The following RBFOX1 variants were observed in gnomAD, a reference collection of about 807,000 sequenced individuals.
RBFOX1 encodes RNA binding protein fox-1 homolog 1.
Under a neutral mutation model 57.7 loss-of-function variants are expected in RBFOX1, and 8 were observed. The observed-to-expected ratio is 0.14, with a 90% CI of 0.08 to 0.25. The LOEUF is 0.25. Ranked by LOEUF, RBFOX1 falls within the 10% of genes least tolerant of loss-of-function variation. The pLI is 1.00. For missense variants in RBFOX1, 611 were observed against 548.5 expected (o/e 1.11, Z -1.14); for synonymous variants, 326 against 222.4 (o/e 1.47, Z -4.15).
intron 3 of RBFOX1, among the ~76,000 whole-genome samples, chr16:6,767,947 TAAG>T (rs71145291): frequency 0.032 from 3,197 of 100,726 alleles, 54 homozygotes; most frequent in East Asian, 0.059. Flanking sequence ...ATAATAATAA[TAAG>T]AAGAAGAAGA....
chr16:5,791,134 C>T (rs890834416), intron 3 of RBFOX1, among the ~76,000 whole-genome samples: 1 of 152,060 alleles, frequency 6.6e-6, no homozygotes, highest in South Asian at 2.1e-4. Flanking sequence ...TCCTAAAGTG[C>T]TGGGATTACA....
At chr16:5,247,459 C>T (rs1227471739) in intron 1 of RBFOX1, among the ~76,000 whole-genome samples, 3 of 152,200 alleles carry the variant, frequency 2.0e-5, no homozygotes, top group Admixed American at 1.3e-4. Flanking sequence ...TGCTTGCCTT[C>T]TCCATTCCTC....
In RBFOX1 at chr16:6,008,881, T is replaced by C. The variant is rs2094943068; in HGVS notation, c.351+141546T>C. Among the ~76,000 whole-genome samples, 4 of 152,188 alleles carry C rather than the reference T, an allele frequency of 2.6e-5. No individual in the cohort carries two copies. The South Asian group carries it at 8.3e-4, about 31-fold the overall frequency. ...CGGAATAATGGCAAGCAAGCTCGTC[T>C]TAGAGCTTTTGAACACAGAGACGAA... On this transcript the variant is annotated intron_variant, in intron 4 of 19. Transcript: ENST00000641259.
chr16:6,676,646 CT>C (rs901306954), intron 3 of RBFOX1, among the ~76,000 whole-genome samples: 17 of 140,182 alleles, frequency 1.2e-4, no homozygotes, highest in Non-Finnish European at 2.0e-4. Context: ...AACTTACTTT[CT>C]TTTTTTTTCT....
At chr16:6,583,729 A>G (rs1432497027) in intron 2 of RBFOX1, among the ~76,000 whole-genome samples, 2 of 152,210 alleles carry the variant, frequency 1.3e-5, no homozygotes, top group Non-Finnish European at 1.5e-5. Flanking sequence ...TTAATAGGTC[A>G]ATTACATTAT....
intron 4 of RBFOX1, among the ~76,000 whole-genome samples, chr16:7,451,840 A>C (rs1467420220): frequency 6.6e-6 from 1 of 151,984 alleles, no homozygotes; most frequent in Non-Finnish European, 1.5e-5. Flanking sequence ...CCCTAATCTA[A>C]TTTATCTCAG....
At chr16:6,024,714 CA>C (rs1262373801) in intron 1 of RBFOX1, among the ~76,000 whole-genome samples, 1 of 152,168 alleles carries the variant, frequency 6.6e-6, no homozygotes, top group African/African-American at 2.4e-5. Context: ...CGCCTGACCT[CA>C]AGTGATCCAC....
chr16:7,410,395 G>T (rs1242251211), intron 4 of RBFOX1, among the ~76,000 whole-genome samples: 4 of 152,182 alleles, frequency 2.6e-5, no homozygotes, highest in African/African-American at 9.6e-5. Flanking sequence ...TAAGACTGCA[G>T]CCTCGGCTGA....
intron 2 of RBFOX1, among the ~76,000 whole-genome samples, chr16:6,327,090 T>A (rs541932775): frequency 6.6e-6 from 1 of 152,304 alleles, no homozygotes; most frequent in Non-Finnish European, 1.5e-5. Context: ...CATGCACCAC[T>A]GTCCACAAGC....
intron 3 of RBFOX1, among the ~76,000 whole-genome samples, chr16:6,763,495 T>A (rs925222435): frequency 2.0e-5 from 3 of 152,230 alleles, no homozygotes; most frequent in African/African-American, 7.2e-5. Context: ...GTGTGATTTC[T>A]GACCTCTCCT....
intron 2 of RBFOX1, among the ~76,000 whole-genome samples, chr16:6,514,224 G>A (rs2096320891): frequency 6.6e-6 from 1 of 152,124 alleles, no homozygotes; most frequent in Non-Finnish European, 1.5e-5. Flanking sequence ...CTGCTTAAAA[G>A]GATGTTTAGA....
At chr16:6,951,225 C>A (rs1298068328) in intron 3 of RBFOX1, among the ~76,000 whole-genome samples, 1 of 151,850 alleles carries the variant, frequency 6.6e-6, no homozygotes, top group East Asian at 1.9e-4. Flanking sequence ...TTTTCTTAAC[C>A]AGTTAAGAAA....
chr16:6,724,552 A>G (rs941179067), intron 3 of RBFOX1, among the ~76,000 whole-genome samples: 1 of 151,914 alleles, frequency 6.6e-6, no homozygotes, highest in African/African-American at 2.4e-5. Context: ...CAGACACCAA[A>G]TCTACCAGGA....
intron 4 of RBFOX1, among the ~76,000 whole-genome samples, chr16:7,067,839 TC>T (rs1405516861): frequency 6.6e-6 from 1 of 151,820 alleles, no homozygotes; most frequent in African/African-American, 2.4e-5. Flanking sequence ...TCCAATTTCA[TC>T]CATGTCCCTA....
At chr16:7,239,204 G>A (rs1334058285) in intron 4 of RBFOX1, among the ~76,000 whole-genome samples, 2 of 152,092 alleles carry the variant, frequency 1.3e-5, no homozygotes, top group East Asian at 3.9e-4. Context: ...TAGGTACTGT[G>A]GGTGCCAGGA....
intron 1 of RBFOX1, among the ~76,000 whole-genome samples, chr16:5,259,017 G>T (rs2151094437): frequency 6.6e-6 from 1 of 152,244 alleles, no homozygotes; most frequent in Non-Finnish European, 1.5e-5. Context: ...TGGGGAGGAG[G>T]GGGTGACCTT....
At chr16:5,424,835 T>C (rs1023181320) in intron 1 of RBFOX1, among the ~76,000 whole-genome samples, 9 of 142,140 alleles carry the variant, frequency 6.3e-5, no homozygotes, top group South Asian at 2.2e-4. Context: ...TCTCCTCTCT[T>C]TCTTTCTTTC....
At chr16:7,656,678 C>A (rs1241266627) in intron 12 of RBFOX1, among the ~76,000 whole-genome samples, 1 of 152,166 alleles carries the variant, frequency 6.6e-6, no homozygotes, top group Non-Finnish European at 1.5e-5. Context: ...CCCTATGACT[C>A]ACACCTATTG....
chr16:6,310,572 A>T (rs546121041), intron 1 of RBFOX1, among the ~76,000 whole-genome samples: 1 of 151,290 alleles, frequency 6.6e-6, no homozygotes, highest in Admixed American at 6.6e-5. Flanking sequence ...GGACAAAAAA[A>T]CTGAAGCTCC....
Sources: allele counts gnomAD v4.1 joint callset (sites outside exome capture counted in the v4.1 genomes callset), GRCh38; gene constraint gnomAD v4.1.1; transcripts MANE v1.5; gene names NCBI Gene and HGNC (gene_info 2026-07-23, HGNC 2026-07-21).